The following CSMD1 variants were observed in gnomAD, a reference collection of about 807,000 sequenced individuals.
CSMD1 encodes the protein CUB and Sushi multiple domains 1.
In CSMD1, 213 loss-of-function variants were observed where a neutral mutation model predicts 417.5. The observed-to-expected ratio is 0.51, with a 90% confidence interval of 0.46 to 0.57. CSMD1 has a LOEUF of 0.57. CSMD1 is among the 20% of genes least tolerant of loss of function. The pLI is 0.00. For missense variants in CSMD1, 6,923 were observed against 4,529.7 expected (o/e 1.53, Z -15.17); for synonymous variants, 2,862 against 1,736.8 (o/e 1.65, Z -16.11).
intron 3 of CSMD1, among the ~76,000 whole-genome samples, chr8:4,371,123 G>C (rs1306580757): frequency 3.3e-5 from 5 of 152,166 alleles, no homozygotes; most frequent in Non-Finnish European, 7.3e-5. Context: ...TATTGCCCTT[G>C]AGAGTTTCAC....
intron 26 of CSMD1, among the ~76,000 whole-genome samples, chr8:3,237,563 ATATAAATATAATTTTTATACTTATAC>A (rs201494657): frequency 2.1e-5 from 3 of 140,278 alleles, no homozygotes; most frequent in African/African-American, 7.6e-5. Flanking sequence ...ACAACTTTGC[ATATAAATATAATTTTTATACTTATAC>A]TATAAATATA....
intron 3 of CSMD1, among the ~76,000 whole-genome samples, chr8:4,324,915 G>T (rs1201881096): frequency 6.6e-6 from 1 of 152,118 alleles, no homozygotes; most frequent in Non-Finnish European, 1.5e-5. Flanking sequence ...GTTGATTCTA[G>T]GTATGGGGCC....
At position 4,031,910 on chromosome 8, in the gene CSMD1, C is replaced by G. The variant is rs1364739467; in HGVS notation, c.605G>C (p.Cys202Ser). The G allele has an allele frequency of 6.2e-7, 1 of 1,612,812 alleles. No individual in the cohort carries two copies. ...GASWDFPAPF[C>S]RAEGACGGTL... is the part of the protein sequence containing the mutation. The stretch of plus-strand genomic sequence containing the variant: ...GCCCCCTTGTAGCACTGTACCTCTG[C>G]AAAAGGGAGCTGGGAAGTCCCACGA... The change falls in exon 4 of 70, where the codon TGC (cysteine) becomes TCC (serine). Residue 202 changes from cysteine to serine, a missense_variant. Transcript: ENST00000635120.
intron 6 of CSMD1, among the ~76,000 whole-genome samples, chr8:3,737,793 G>C (rs565930301): frequency 7.9e-5 from 12 of 152,080 alleles, no homozygotes; most frequent in East Asian, 1.9e-4. Flanking sequence ...AATCAAAGGA[G>C]ACAAATAAAA....
intron 1 of CSMD1, among the ~76,000 whole-genome samples, chr8:4,708,690 G>A (rs1442792718): frequency 1.3e-5 from 2 of 151,546 alleles, no homozygotes; most frequent in African/African-American, 2.4e-5. Context: ...TTTTTTAAGA[G>A]AAAGATTTCC....
intron 2 of CSMD1, among the ~76,000 whole-genome samples, chr8:4,569,981 T>C (rs534444116): frequency 7.3e-4 from 111 of 152,348 alleles, no homozygotes; most frequent in African/African-American, 2.5e-3. Flanking sequence ...TTTTTGCACA[T>C]TGATTTTGTA....
At chr8:4,237,474 A>T (rs73186170) in intron 3 of CSMD1, among the ~76,000 whole-genome samples, 6,029 of 152,234 alleles carry the variant, frequency 0.04, 141 homozygotes, top group East Asian at 0.088. Context: ...GTGAGGAATA[A>T]GGTAATATGG....
At chr8:4,454,272 G>A (rs1050812336) in intron 2 of CSMD1, among the ~76,000 whole-genome samples, 5 of 152,078 alleles carry the variant, frequency 3.3e-5, no homozygotes, top group Admixed American at 6.5e-5. Context: ...CTGCCTAACT[G>A]GACTCCTGAC....
chr8:3,605,906 G>A (rs1366098574), intron 8 of CSMD1, among the ~76,000 whole-genome samples: 1 of 152,166 alleles, frequency 6.6e-6, no homozygotes, highest in African/African-American at 2.4e-5. Context: ...ATGAGGTTAT[G>A]TCCATATATC....
At chr8:3,787,386 T>C (rs1321949702) in intron 5 of CSMD1, among the ~76,000 whole-genome samples, 2 of 152,180 alleles carry the variant, frequency 1.3e-5, no homozygotes, top group Admixed American at 6.5e-5. Flanking sequence ...AGTAAGCAGA[T>C]AACCAGGATT....
intron 2 of CSMD1, among the ~76,000 whole-genome samples, chr8:4,631,327 G>T (rs529888521): frequency 1.3e-5 from 2 of 151,912 alleles, no homozygotes; most frequent in Non-Finnish European, 2.9e-5. Flanking sequence ...CTGCCACCAC[G>T]CTCCAGCCTG....
At chr8:4,818,789 C>G (rs1799354651) in intron 1 of CSMD1, among the ~76,000 whole-genome samples, 1 of 152,114 alleles carries the variant, frequency 6.6e-6, no homozygotes, top group African/African-American at 2.4e-5. Context: ...CTTTGTAAAA[C>G]AAAAGTATTT....
chr8:4,755,005 G>A lies in CSMD1; in HGVS notation c.86-117447C>T, dbSNP rs181810175. Among the ~76,000 whole-genome samples the A allele has an allele frequency of 4.4e-3, 675 of 152,190 alleles. 3 individuals are homozygous for A. Among genetic ancestry groups the A allele is most frequent in the African/African-American group, 0.016 (648 of 41,520 alleles). The stretch of plus-strand genomic sequence containing the variant: ...CACAAAAAATCAGCCGGGCATGGTG[G>A]CATGTGCCTGTGATCCCAGCTACTT... On this transcript the variant is annotated intron_variant, in intron 1 of 69. Coordinates refer to ENST00000635120, the MANE Select transcript of CSMD1 (RefSeq NM_033225.6).
chr8:4,224,394 C>G (rs924135656), intron 3 of CSMD1, among the ~76,000 whole-genome samples: 1 of 152,162 alleles, frequency 6.6e-6, no homozygotes, highest in African/African-American at 2.4e-5. Flanking sequence ...GCCAATTCAA[C>G]TTCAGAAAGT....
chr8:4,057,973 C>G (rs543678549), intron 3 of CSMD1, among the ~76,000 whole-genome samples: 1,653 of 151,056 alleles, frequency 0.011, 21 homozygotes, highest in African/African-American at 0.038. Context: ...AGGGTGATGC[C>G]TCCAGCTTTG....
chr8:4,530,164 C>T (rs1197976544), intron 2 of CSMD1, among the ~76,000 whole-genome samples: 1 of 151,912 alleles, frequency 6.6e-6, no homozygotes, highest in Non-Finnish European at 1.5e-5. Context: ...CTGCCCACCT[C>T]AGCCTCCCAA....
At chr8:3,761,641 G>A (rs1268134312) in intron 5 of CSMD1, among the ~76,000 whole-genome samples, 1 of 151,676 alleles carries the variant, frequency 6.6e-6, no homozygotes, top group Admixed American at 6.6e-5. Context: ...GAGTATCTGG[G>A]ATTATAGGCA....
At chr8:4,924,110 G>T (rs966905344) in intron 1 of CSMD1, among the ~76,000 whole-genome samples, 3 of 152,166 alleles carry the variant, frequency 2.0e-5, no homozygotes, top group African/African-American at 7.2e-5. Context: ...TTCTGACAAT[G>T]TAAATCAAGC....
At chr8:4,208,974 C>T (rs1485770788) in intron 3 of CSMD1, among the ~76,000 whole-genome samples, 1 of 152,150 alleles carries the variant, frequency 6.6e-6, no homozygotes, top group Non-Finnish European at 1.5e-5. Flanking sequence ...AGCTGAAAAA[C>T]CTACCAGTGA....
Sources: gnomAD v4.1 joint callset for allele counts (sites outside exome capture counted in the v4.1 genomes callset) on GRCh38, gnomAD v4.1.1 for gene constraint, MANE v1.5 for transcripts, NCBI Gene and HGNC (gene_info 2026-07-23, HGNC 2026-07-21) for gene names.